MAP4K1: variants seen among roughly 807,000 people sequenced by gnomAD.
MAP4K1 encodes MAPK/ERK kinase kinase kinase 1.
In MAP4K1, 35 loss-of-function variants were observed where a neutral mutation model predicts 122.8. That is an observed-to-expected ratio of 0.29 (90% CI 0.22 to 0.38). The LOEUF (loss-of-function observed/expected upper bound fraction) is 0.38, where lower values mean the gene tolerates loss of function less well. Ranked by LOEUF, MAP4K1 falls within the 10% of genes least tolerant of loss-of-function variation. The pLI, the probability that MAP4K1 is intolerant of heterozygous loss-of-function variation, is 1.00. For missense variants in MAP4K1, 791 were observed against 1,072.6 expected, an observed-to-expected ratio of 0.74 and a Z score of 3.67; for synonymous variants, 412 against 421.3, an observed-to-expected ratio of 0.98 and a Z score of 0.27.
chr19:38,592,802 A>G (rs2145931719), intron 30 of MAP4K1, among the ~76,000 whole-genome samples: 1 of 151,906 alleles, frequency 6.6e-6, no homozygotes, highest in Non-Finnish European at 1.5e-5. Flanking sequence ...CTGTAATCCC[A>G]GCTACTTGGG....
intron 19 of MAP4K1, among the ~76,000 whole-genome samples, chr19:38,603,207 TACATATATAC>T (rs1975197474): frequency 6.9e-6 from 1 of 144,920 alleles, no homozygotes. Flanking sequence ...TATATACACA[TACATATATAC>T]ACATATACAT....
At chr19:38,603,540 A>G (rs1163543017) in intron 19 of MAP4K1, among the ~76,000 whole-genome samples, 1 of 152,038 alleles carries the variant, frequency 6.6e-6, no homozygotes, top group Non-Finnish European at 1.5e-5. Context: ...GGTATAAATT[A>G]TACATACTTT....
intron 8 of MAP4K1, among the ~76,000 whole-genome samples, chr19:38,613,049 T>A (rs958057447): frequency 1.3e-5 from 2 of 151,842 alleles, no homozygotes; most frequent in Non-Finnish European, 2.9e-5. Flanking sequence ...GGCTTTTGCC[T>A]GTAATTCCAG....
chr19:38,590,373 GAAAAAAAAAA>G lies in MAP4K1; in HGVS notation c.2397-2566_2397-2557del, dbSNP rs1164261721. On this transcript the variant is annotated intron_variant, in intron 30 of 30. Transcript: ENST00000396857. ...AAGTGCCACCTATGATCTTGGACCA[GAAAAAAAAAA>G]AAAAAAAAAAAATATATATATATAT... is the stretch of plus-strand genomic sequence containing the variant. Among the ~76,000 whole-genome samples the G allele has an allele frequency of 1.6e-3, 28 of 18,018 alleles. 5 individuals are homozygous for G. Among genetic ancestry groups the G allele is most frequent in the East Asian group, 4.3e-3 (1 of 234 alleles). 11.8% of individuals were successfully genotyped at this position (18,018 alleles called of 152,430 possible).
chr19:38,590,495 C>G (rs576724489), intron 30 of MAP4K1, among the ~76,000 whole-genome samples: 1 of 136,796 alleles, frequency 7.3e-6, no homozygotes, highest in East Asian at 2.2e-4. Flanking sequence ...TTGTTGTTTT[C>G]TGAGACAGAG....
chr19:38,597,588 G>C lies in MAP4K1; in HGVS notation c.1676C>G (p.Thr559Ser). ...GATGCTATGAGAATACAGGTGGGGG[G>C]TCTTTCCTGCAGGGTGTGTGTATGT... ...NNVLMSLSGK[T>S]PHLYSHSILG... The change falls in exon 23 of 31, where the codon ACC (threonine) becomes AGC (serine). Residue 559 changes from threonine (T) to serine (S), a missense_variant. By Grantham distance (58) the Thr-to-Ser change is moderately conservative (BLOSUM62 1). Around this residue, in one of 4 missense-constraint regions of MAP4K1, gnomAD observed 58 missense variants for 118.7 expected, o/e 0.49. Transcript: ENST00000396857. This position sits in a 1 kb window ranked among gnomAD's most constrained non-coding sequence, Gnocchi z 4.6. 1.2e-6 allele frequency: 2 copies of C among 1,610,098 alleles called. No individual in the cohort carries two copies. Among genetic ancestry groups the C allele is most frequent in the Non-Finnish European group, 1.7e-6 (2 of 1,178,040 alleles).
chr19:38,607,636 G>A (rs1568636454), intron 16 of MAP4K1, among the ~76,000 whole-genome samples: 2 of 151,942 alleles, frequency 1.3e-5, no homozygotes, highest in Non-Finnish European at 2.9e-5. Context: ...TCAGGTTGGG[G>A]GTCAGGGGTT....
Position 38,595,702 on chromosome 19 carries a change from C to T in MAP4K1, c.2207G>A (p.Gly736Glu). ...TGTGCGAAGTCCCCGGACTGGGGAC[C>T]CCTCCGGGGTCACCAGCTTCACAGA... is the stretch of plus-strand genomic sequence containing the variant. ...DGSVKLVTPE[G>E]SPVRGLRTPE... is the part of the protein sequence containing the mutation. The change falls in exon 28 of 31, where the codon GGG (glycine) becomes GAG (glutamate). Residue 736 changes from glycine (G) to glutamate (E), a missense_variant. This residue lies in a region of MAP4K1 where 267 missense variants were observed against 323.0 expected (regional missense o/e 0.83). Transcript: ENST00000396857. 6.2e-7 allele frequency: 1 copy of T among 1,606,134 alleles called. No individual in the cohort carries two copies. Among genetic ancestry groups the T allele is most frequent in the Non-Finnish European group, 8.5e-7 (1 of 1,177,142 alleles).
At chr19:38,606,532 T>C (rs1356447953) in intron 16 of MAP4K1, among the ~76,000 whole-genome samples, 2 of 150,862 alleles carry the variant, frequency 1.3e-5, no homozygotes, top group African/African-American at 2.4e-5. Flanking sequence ...CAGGTGCGCC[T>C]GTGACCGCAG....
At chr19:38,603,490 A>T (rs1451267330) in intron 19 of MAP4K1, among the ~76,000 whole-genome samples, 1 of 151,864 alleles carries the variant, frequency 6.6e-6, no homozygotes, top group East Asian at 1.9e-4. Flanking sequence ...ATGATTAATT[A>T]TGCTATGCAT....
At chr19:38,601,667 C>A (rs573141786) in intron 19 of MAP4K1, 142 bp from the exon 20 acceptor site, 9 of 609,256 alleles carry the variant, frequency 1.5e-5, no homozygotes, top group Non-Finnish European at 2.6e-5. Context: ...CATAATCTAT[C>A]CCTGTAATAC....
intron 19 of MAP4K1, among the ~76,000 whole-genome samples, chr19:38,602,459 T>G (rs937350324): frequency 6.8e-6 from 1 of 146,350 alleles, no homozygotes; most frequent in African/African-American, 2.5e-5. Flanking sequence ...CATACATATA[T>G]ACACACATAT....
At position 38,597,151 on chromosome 19, in the gene MAP4K1, A is replaced by C; in HGVS notation, c.1838-14T>G. 6.2e-7 allele frequency: 1 copy of C among 1,613,758 alleles called. No individual in the cohort carries two copies. Among genetic ancestry groups the C allele is most frequent in the Non-Finnish European group, 8.5e-7 (1 of 1,179,662 alleles). ...TCGCACCCTCCGCTGTGGCATGGGC[A>C]AGGATGAGTCAAGATCAATGCCCTC... On this transcript the variant is annotated splice_polypyrimidine_tract_variant and intron_variant, in intron 24 of 30. Transcript: ENST00000396857. The surrounding 1 kb of genome is among the most constrained non-coding windows in gnomAD (Gnocchi z 4.6).
chr19:38,593,796 G>C (rs1371934505), intron 29 of MAP4K1, among the ~76,000 whole-genome samples: 1 of 152,152 alleles, frequency 6.6e-6, no homozygotes, highest in African/African-American at 2.4e-5. Context: ...CACGAGAATC[G>C]CTTGAACCTG....
intron 16 of MAP4K1, among the ~76,000 whole-genome samples, 153 bp from the exon 17 acceptor site, chr19:38,606,368 T>C (rs1261636163): frequency 6.6e-6 from 1 of 152,172 alleles, no homozygotes; most frequent in Non-Finnish European, 1.5e-5. Context: ...GATTAAAGGA[T>C]TAATAGCCAG....
At position 38,613,782 on chromosome 19, in the gene MAP4K1, C is replaced by T. The variant is rs953595415; in HGVS notation, c.533+98G>A. The T allele has an allele frequency of 7.0e-5, 63 of 902,188 alleles. No individual in the cohort carries two copies. In the Admixed American group the frequency reaches 9.1e-4, roughly 13 times the overall value. 55.9% of individuals were successfully genotyped at this position (902,188 alleles called of 1,614,324 possible). On this transcript the variant is annotated intron_variant, in intron 8 of 30. Transcript: ENST00000396857. ...AATCTTCCAAGGAGAAAGGACGAGG[C>T]AGGGGAACGGAGCCAGGAAAGAGGA...
At chr19:38,610,372 A>ATTTTTTTTTT (rs35103992) in intron 11 of MAP4K1, among the ~76,000 whole-genome samples, 1 of 76,178 alleles carries the variant, frequency 1.3e-5, no homozygotes, top group Non-Finnish European at 2.4e-5. Context: ...CGCCCAGCTA[A>ATTTTTTTTTT]TTTTTTTTTT....
At chr19:38,593,646 G>C (rs17847688) in intron 29 of MAP4K1, among the ~76,000 whole-genome samples, 1 of 152,234 alleles carries the variant, frequency 6.6e-6, no homozygotes, top group East Asian at 1.9e-4. Flanking sequence ...AAATTGCATT[G>C]AGCTGAGATT....
intron 19 of MAP4K1, among the ~76,000 whole-genome samples, chr19:38,605,039 A>G (rs943045800): frequency 6.6e-6 from 1 of 151,098 alleles, no homozygotes; most frequent in Non-Finnish European, 1.5e-5. Flanking sequence ...GTGAGCTAAG[A>G]TCGCGCCACT....
Sources: gnomAD v4.1 joint callset for allele counts (sites outside exome capture counted in the v4.1 genomes callset) on GRCh38, gnomAD v4.1.1 for gene constraint, gnomAD v4.1.1 regional missense constraint, Gnocchi (gnomAD v3.1) non-coding constraint, MANE v1.5 for transcripts, NCBI Gene and HGNC (gene_info 2026-07-23, HGNC 2026-07-21) for gene names.